Variants in BLMH observed in about 807,000 individuals in gnomAD.
The protein encoded by BLMH is bleomycin hydrolase, also known as BLM hydrolase.
Under a neutral mutation model 61.6 loss-of-function variants are expected in BLMH, and 32 were observed. The ratio of observed to expected loss-of-function variants is 0.52; its 90% CI spans 0.39 to 0.70. BLMH has a LOEUF of 0.70. Among genes scored for constraint, BLMH ranks in the 30% least tolerant of loss-of-function variants. The pLI, the probability that BLMH is intolerant of heterozygous loss-of-function variation, is 0.00. For synonymous variants in BLMH, 183 were observed against 193.8 expected (o/e 0.94, Z 0.46); for missense variants, 460 against 555.5 (o/e 0.83, Z 1.73).
chr17:30,261,199 C>T (rs1907948425), intron 11 of BLMH, among the ~76,000 whole-genome samples: 1 of 152,178 alleles, frequency 6.6e-6, no homozygotes, highest in South Asian at 2.1e-4. Flanking sequence ...TTTAGGGAAG[C>T]TGTCTGTGTC....
intron 6 of BLMH, among the ~76,000 whole-genome samples, chr17:30,277,828 G>C (rs919611570): frequency 1.3e-5 from 2 of 152,090 alleles, no homozygotes; most frequent in African/African-American, 4.8e-5. Context: ...GAATTCTATA[G>C]TGAGTCCTTT....
intron 11 of BLMH, among the ~76,000 whole-genome samples, chr17:30,251,435 AAG>A (rs1907664862): frequency 6.6e-6 from 1 of 152,248 alleles, no homozygotes; most frequent in Admixed American, 6.5e-5. Flanking sequence ...GTACTGAATC[AAG>A]AGAAAGGCAG....
At chr17:30,264,429 A>G (rs755208199) in intron 11 of BLMH, among the ~76,000 whole-genome samples, 9 of 152,248 alleles carry the variant, frequency 5.9e-5, no homozygotes, top group Non-Finnish European at 1.2e-4. Flanking sequence ...CAAAACTTTT[A>G]TTGAGTAAAA....
intron 11 of BLMH, among the ~76,000 whole-genome samples, chr17:30,255,065 G>A (rs1186733713): frequency 4.6e-5 from 7 of 152,100 alleles, no homozygotes; most frequent in Non-Finnish European, 1.0e-4. Flanking sequence ...ATTTTTTCAT[G>A]CTTAGAAACA....
rs979873601 is a variant in BLMH at position 30,265,682 on chromosome 17, G to A, written c.1216+1203C>T. On this transcript the variant is annotated intron_variant, in intron 11 of 11. Coordinates refer to ENST00000261714, the MANE Select transcript of BLMH (RefSeq NM_000386.4). ...TCTTCTAACTAGTCTACTAAGGTGCGGTTAATGTTTTTCCTAGCCAGAATC... is the reference window on the plus strand; with the variant it reads ...TCTTCTAACTAGTCTACTAAGGTGCAGTTAATGTTTTTCCTAGCCAGAATC... 2.2e-4 allele frequency among the ~76,000 whole-genome samples: 33 copies of A among 152,046 alleles called. 1 individual carries two copies. The highest frequency in any genetic ancestry group is 1.6e-4 in the Non-Finnish European group (11 of 68,024).
At chr17:30,285,860 C>T (rs937927352) in intron 5 of BLMH, among the ~76,000 whole-genome samples, 3 of 152,168 alleles carry the variant, frequency 2.0e-5, no homozygotes, top group African/African-American at 7.2e-5. Flanking sequence ...CTTAGAATTT[C>T]AATAGCTGTC....
chr17:30,290,626 CTT>C (rs1908859469), intron 2 of BLMH, among the ~76,000 whole-genome samples: 3 of 152,290 alleles, frequency 2.0e-5, no homozygotes, highest in East Asian at 1.9e-4. Context: ...TATAGAAAGA[CTT>C]TAAAAAATCC....
Position 30,291,307 on chromosome 17 carries a change from A to C in BLMH, c.211+4T>G, listed in dbSNP as rs1175598491. The C allele has an allele frequency of 1.2e-6, 2 of 1,608,824 alleles. No homozygotes were observed. Among genetic ancestry groups the C allele is most frequent in the African/African-American group, 2.7e-5 (2 of 74,860 alleles). On this transcript the variant is annotated splice_donor_region_variant and intron_variant, in intron 2 of 11. Transcript: ENST00000261714. Reference sequence around the variant, plus strand: ...GAACGTATGGGAGAAGTGGAAGCCCACACCTGAGCTCTTCTGGTTGGTGAT... The same window carrying C: ...GAACGTATGGGAGAAGTGGAAGCCCCCACCTGAGCTCTTCTGGTTGGTGAT...
intron 6 of BLMH, among the ~76,000 whole-genome samples, chr17:30,276,310 A>G (rs574550162): frequency 6.6e-6 from 1 of 152,364 alleles, no homozygotes; most frequent in South Asian, 2.1e-4. Context: ...AGGTTCAGGG[A>G]AATAAATCAC....
At chr17:30,290,750 C>T (rs1158746521) in intron 2 of BLMH, among the ~76,000 whole-genome samples, 2 of 152,170 alleles carry the variant, frequency 1.3e-5, no homozygotes, top group Non-Finnish European at 2.9e-5. Flanking sequence ...GATAGCAAAA[C>T]GAGACTTCTT....
intron 11 of BLMH, among the ~76,000 whole-genome samples, chr17:30,252,533 CAAAAAAAA>C (rs34594289): frequency 1.4e-4 from 9 of 66,392 alleles, no homozygotes; most frequent in African/African-American, 3.6e-4. Context: ...CCCATCCTCA[CAAAAAAAA>C]AAAAAAAAAA....
At chr17:30,287,508 A>C (rs941128627) in intron 4 of BLMH, among the ~76,000 whole-genome samples, 2 of 152,206 alleles carry the variant, frequency 1.3e-5, no homozygotes, top group African/African-American at 4.8e-5. Context: ...CTACAGTTTT[A>C]ATGTGTTTCC....
chr17:30,291,293 AGAAGTGG>A lies in BLMH; in HGVS notation c.211+11_211+17del. 7 of 1,603,280 alleles carry A rather than the reference AGAAGTGG, an allele frequency of 4.4e-6. No homozygotes were observed. Among genetic ancestry groups the A allele is most frequent in the African/African-American group, 1.3e-5 (1 of 74,908 alleles). ...TCAGGAAGGTCAAGGAACGTATGGG[AGAAGTGG>A]AAGCCCACACCTGAGCTCTTCTGGT... On this transcript the variant is annotated intron_variant, in intron 2 of 11. Transcript: ENST00000261714.
intron 8 of BLMH, 36 bp from the exon 9 acceptor site, chr17:30,272,664 A>T (rs1195190868): frequency 2.5e-6 from 4 of 1,614,036 alleles, no homozygotes; most frequent in Non-Finnish European, 3.4e-6. Flanking sequence ...AGTCAACATA[A>T]ACCCCATCTT....
rs749998835 is a variant in BLMH, at chr17:30,287,963, A to G, written c.322-16T>C. On this transcript the variant is annotated splice_polypyrimidine_tract_variant and intron_variant, in intron 3 of 11. Transcript: ENST00000261714. Reference sequence around the variant, plus strand: ...AGCGTTCAACCTAAAGAGTAAAGAAAGTTAAATAACATTAAAAGAAAAAAG... The same window carrying G: ...AGCGTTCAACCTAAAGAGTAAAGAAGGTTAAATAACATTAAAAGAAAAAAG... The G allele has an allele frequency of 4.4e-6, 7 of 1,600,438 alleles. No homozygotes were observed. The highest frequency in any genetic ancestry group is 5.1e-6 in the Non-Finnish European group (6 of 1,174,210).
intron 10 of BLMH, among the ~76,000 whole-genome samples, chr17:30,270,010 T>C (rs576478474): frequency 1.6e-4 from 25 of 152,252 alleles, no homozygotes; most frequent in Non-Finnish European, 3.4e-4. Flanking sequence ...TCAAGTGAAG[T>C]AGTTGGAAGA....
intron 6 of BLMH, among the ~76,000 whole-genome samples, chr17:30,279,757 G>GT (rs1218386232): frequency 1.3e-5 from 2 of 152,148 alleles, no homozygotes; most frequent in South Asian, 2.1e-4. Flanking sequence ...AGCTGTGATC[G>GT]TAACACTGCA....
chr17:30,280,013 G>C (rs1481067048), intron 6 of BLMH, among the ~76,000 whole-genome samples: 1 of 152,126 alleles, frequency 6.6e-6, no homozygotes, highest in Non-Finnish European at 1.5e-5. Context: ...TCAAGTGAGA[G>C]GAAGAAGGAA....
At chr17:30,264,242 T>A (rs921015881) in intron 11 of BLMH, among the ~76,000 whole-genome samples, 4 of 152,216 alleles carry the variant, frequency 2.6e-5, no homozygotes, top group Non-Finnish European at 5.9e-5. Context: ...TCTACTGAAA[T>A]GCTTTGCTGT....
Sources: gnomAD v4.1 joint callset for allele counts (sites outside exome capture counted in the v4.1 genomes callset) on GRCh38, gnomAD v4.1.1 for gene constraint, MANE v1.5 for transcripts, NCBI Gene and HGNC (gene_info 2026-07-23, HGNC 2026-07-21) for gene names.